Variants in SLIT2 observed in about 807,000 individuals in gnomAD.
The protein encoded by SLIT2 is slit guidance ligand 2.
In SLIT2, 41 loss-of-function variants were observed where a neutral mutation model predicts 185.7. The ratio of observed to expected loss-of-function variants is 0.22; its 90% CI spans 0.17 to 0.29. The LOEUF (loss-of-function observed/expected upper bound fraction) is 0.29. SLIT2 is among the 10% of genes least tolerant of loss of function. The pLI is 1.00. For synonymous variants in SLIT2, 693 were observed against 680.2 expected (o/e 1.02, Z -0.29); for missense variants, 1,571 against 1,909.0 (o/e 0.82, Z 3.30).
intron 1 of SLIT2, among the ~76,000 whole-genome samples, chr4:20,255,373 CT>C (rs1218681672): frequency 1.3e-5 from 2 of 152,200 alleles, no homozygotes; most frequent in Non-Finnish European, 2.9e-5. Context: ...CTAGGTTACC[CT>C]TACTCCTTTC....
intron 4 of SLIT2, among the ~76,000 whole-genome samples, chr4:20,351,073 A>C (rs1283179295): frequency 7.0e-6 from 1 of 143,294 alleles, no homozygotes; most frequent in Non-Finnish European, 1.5e-5. Flanking sequence ...TTTGAGACTG[A>C]GTTTTGCCCT....
chr4:20,396,558 T>A (rs942772086), intron 4 of SLIT2, among the ~76,000 whole-genome samples: 1 of 151,780 alleles, frequency 6.6e-6, no homozygotes, highest in African/African-American at 2.4e-5. Context: ...TAAGTACAGA[T>A]AAGTGAAAAG....
chr4:20,356,408 G>A (rs1046566337), intron 4 of SLIT2, among the ~76,000 whole-genome samples: 8 of 151,992 alleles, frequency 5.3e-5, no homozygotes, highest in Non-Finnish European at 4.4e-5. Flanking sequence ...GGTTACCAGC[G>A]GTACAAGATC....
At chr4:20,554,111 A>G in intron 26 of SLIT2, 143 bp downstream of exon 26, 2 of 703,522 alleles carry the variant, frequency 2.8e-6, no homozygotes, top group East Asian at 2.7e-5. Flanking sequence ...GACAAGACAG[A>G]GCAGTTACCT....
chr4:20,528,922 C>CT lies in SLIT2; in HGVS notation c.1463-19dup, dbSNP rs751275909. 6.8e-5 allele frequency: 107 copies of CT among 1,574,984 alleles called. No individual in the cohort carries two copies. The highest frequency in any genetic ancestry group is 1.7e-4 in the Middle Eastern group (1 of 5,944). On this transcript the variant is annotated intron_variant, in intron 15 of 36. Transcript: ENST00000504154. This position sits in a 1 kb window ranked among gnomAD's most constrained non-coding sequence, Gnocchi z 4.2. The stretch of plus-strand genomic sequence containing the variant: ...ATTTTCTAACCTTTAGACTCAGTAT[C>CT]TTTTTTTTGGTTTGAATTCTCAATA...
intron 4 of SLIT2, among the ~76,000 whole-genome samples, chr4:20,448,841 T>C (rs940406301): frequency 6.6e-6 from 1 of 151,894 alleles, no homozygotes; most frequent in Non-Finnish European, 1.5e-5. Context: ...TTTCACCATG[T>C]TAGCCAGGAT....
intron 4 of SLIT2, among the ~76,000 whole-genome samples, chr4:20,339,740 C>T (rs909155160): frequency 6.6e-6 from 1 of 152,070 alleles, no homozygotes; most frequent in African/African-American, 2.4e-5. Flanking sequence ...ATGAAATGGC[C>T]TGTAGACTCT....
intron 4 of SLIT2, among the ~76,000 whole-genome samples, chr4:20,462,887 A>T (rs1250160863): frequency 6.6e-6 from 1 of 152,178 alleles, no homozygotes; most frequent in African/African-American, 2.4e-5. Context: ...TGGGGAATTT[A>T]GCAGGTATAC....
chr4:20,313,314 G>T, intron 4 of SLIT2, among the ~76,000 whole-genome samples: 1 of 152,158 alleles, frequency 6.6e-6, no homozygotes, highest in East Asian at 1.9e-4. Context: ...ACATCACGTG[G>T]TAAGAGCAGG....
chr4:20,506,764 A>G (rs1560483877), intron 9 of SLIT2, among the ~76,000 whole-genome samples: 1 of 151,904 alleles, frequency 6.6e-6, no homozygotes, highest in Non-Finnish European at 1.5e-5. Flanking sequence ...CAGACATTTT[A>G]TAATATATTA....
At chr4:20,481,751 A>T (rs1399734680) in intron 6 of SLIT2, among the ~76,000 whole-genome samples, 1 of 152,078 alleles carries the variant, frequency 6.6e-6, no homozygotes, top group African/African-American at 2.4e-5. Flanking sequence ...CTGAAAAATT[A>T]ATCTTTCAGC....
rs900008675 is a variant in SLIT2, at chr4:20,434,359, G to A, written c.396-33393G>A. Among the ~76,000 whole-genome samples the A allele has an allele frequency of 3.9e-5, 6 of 152,110 alleles. No homozygotes were observed. The East Asian group carries it at 1.2e-3, about 29-fold the overall frequency. On this transcript the variant is annotated intron_variant, in intron 4 of 36. Transcript: ENST00000504154. ...AAATTAGCTGGGCGTGGTGGCGCAT[G>A]CCTGTAATCCCAGCTACTCAGGAGG...
chr4:20,415,644 A>G (rs1727605001), intron 4 of SLIT2, among the ~76,000 whole-genome samples: 1 of 152,092 alleles, frequency 6.6e-6, no homozygotes, highest in Non-Finnish European at 1.5e-5. Context: ...AAATAAACCT[A>G]TTTGTCTCAA....
At chr4:20,604,284 A>G (rs1445518397) in intron 33 of SLIT2, among the ~76,000 whole-genome samples, 1 of 152,248 alleles carries the variant, frequency 6.6e-6, no homozygotes, top group Non-Finnish European at 1.5e-5. Context: ...AAAAGTACTG[A>G]TTAAAATATT....
At chr4:20,330,144 C>G (rs111227083) in intron 4 of SLIT2, among the ~76,000 whole-genome samples, 77 of 152,092 alleles carry the variant, frequency 5.1e-4, no homozygotes, top group African/African-American at 1.8e-3. Flanking sequence ...GTTGATTGTG[C>G]AAATCTAGCT....
At chr4:20,609,595 C>T (rs771409928) in intron 33 of SLIT2, among the ~76,000 whole-genome samples, 2 of 152,024 alleles carry the variant, frequency 1.3e-5, no homozygotes, top group African/African-American at 4.8e-5. Flanking sequence ...TGCCTAAGGT[C>T]GATGTGTTAG....
At chr4:20,465,344 G>A (rs1380264548) in intron 4 of SLIT2, among the ~76,000 whole-genome samples, 1 of 152,130 alleles carries the variant, frequency 6.6e-6, no homozygotes. Flanking sequence ...GAGGAATAAA[G>A]GAAATAAGAG....
At chr4:20,256,322 G>GGC (rs1553864852) in intron 1 of SLIT2, among the ~76,000 whole-genome samples, 1 of 150,308 alleles carries the variant, frequency 6.7e-6, no homozygotes, top group East Asian at 2.0e-4. Flanking sequence ...TTTTTGGGGG[G>GGC]GGTGCCTAAC....
At chr4:20,311,909 C>G (rs758268710) in intron 4 of SLIT2, among the ~76,000 whole-genome samples, 1 of 152,090 alleles carries the variant, frequency 6.6e-6, no homozygotes, top group Non-Finnish European at 1.5e-5. Context: ...CTTTCTAATA[C>G]AAGAAATGCA....
Sources: allele counts gnomAD v4.1 joint callset (sites outside exome capture counted in the v4.1 genomes callset), GRCh38; gene constraint gnomAD v4.1.1; non-coding constraint Gnocchi (gnomAD v3.1); transcripts MANE v1.5; gene names NCBI Gene and HGNC (gene_info 2026-07-23, HGNC 2026-07-21).